Variants in ZNF518A observed in about 807,000 individuals in gnomAD.
ZNF518A encodes zinc finger protein 518A.
A neutral mutation model predicts 102.7 loss-of-function variants in ZNF518A; 47 were observed. The observed-to-expected ratio is 0.46, with a 90% CI of 0.36 to 0.58. The LOEUF (loss-of-function observed/expected upper bound fraction) is 0.58. Ranked by LOEUF, ZNF518A falls within the 20% of genes least tolerant of loss-of-function variation. The probability of loss-of-function intolerance (pLI) is 0.00; values close to 1 mark genes in which losing one functional copy is unlikely to be tolerated. For missense variants in ZNF518A, 1,793 were observed against 1,699.8 expected, an observed-to-expected ratio of 1.05 and a Z score of -0.96; for synonymous variants, 652 against 594.6, an observed-to-expected ratio of 1.10 and a Z score of -1.40.
At chr10:96,198,235 A>G (rs1312313013) in intron 1 of ZNF518A, among the ~76,000 whole-genome samples, 4 of 152,180 alleles carry the variant, frequency 2.6e-5, no homozygotes, top group Non-Finnish European at 4.4e-5. Flanking sequence ...ATTTAATAAA[A>G]TAAGTACCAT....
At chr10:96,137,409 C>G (rs782607293) in intron 3 of ZNF518A, among the ~76,000 whole-genome samples, 19 of 152,340 alleles carry the variant, frequency 1.2e-4, no homozygotes, top group African/African-American at 4.6e-4. Context: ...TGCACTGCAT[C>G]ACTACTTCCT....
In ZNF518A at chr10:96,157,988, A is replaced by G. The variant is rs781894461; in HGVS notation, c.1666A>G (p.Thr556Ala). The change falls in exon 6 of 6, where the codon ACA becomes GCA. Residue 556 changes from threonine (T) to alanine (A), a missense_variant. Physicochemically the swap from Thr to Ala is moderately conservative, Grantham distance 58 (BLOSUM62 0). Transcript: ENST00000316045. ...YEKSVSSLSA[T>A]SELVTASVNL... ...GAAAAGTGTATCTTCTTTGTCAGCA[A>G]CATCAGAATTGGTTACAGCATCAGT... The G allele has an allele frequency of 3.1e-6, 5 of 1,613,818 alleles. No individual in the cohort carries two copies. The South Asian group carries it at 3.3e-5, about 11-fold the overall frequency.
intron 3 of ZNF518A, among the ~76,000 whole-genome samples, chr10:96,150,294 A>G (rs2082370538): frequency 6.6e-6 from 1 of 150,772 alleles, no homozygotes; most frequent in African/African-American, 2.4e-5. Context: ...AGATTGCACC[A>G]CTGCACTCCA....
intron 3 of ZNF518A, among the ~76,000 whole-genome samples, chr10:96,134,421 A>C (rs1314277987): frequency 6.6e-6 from 1 of 151,944 alleles, no homozygotes; most frequent in East Asian, 1.9e-4. Context: ...TTTAGTGGAG[A>C]CGAGGCTTCG....
In ZNF518A at chr10:96,148,874, C is replaced by T. The variant is rs1287957342; in HGVS notation, c.-301-6452C>T. The stretch of plus-strand genomic sequence containing the variant: ...GGGACTACAGGCGCCCACCACCACA[C>T]CCGGCTAATTTTTTGTATTTTTAGT... On this transcript the variant is annotated intron_variant, in intron 3 of 5. Transcript: ENST00000316045. Among the ~76,000 whole-genome samples the T allele has an allele frequency of 3.9e-5, 6 of 152,284 alleles. No individual in the cohort carries two copies. In the East Asian group the frequency reaches 1.2e-3, roughly 29 times the overall value.
At position 96,192,174 on chromosome 10, in the gene ZNF518A, T is replaced by C. The variant is rs149075195; in HGVS notation, n.36-11400T>C. 1.0e-3 allele frequency: 1,649 copies of C among 1,573,036 alleles called. 11 individuals carry two copies. The African/African-American group carries it at 0.02, about 19-fold the overall frequency. On this transcript the variant is annotated intron_variant and non_coding_transcript_variant, in intron 1 of 2. Transcript: ENST00000442635. ...CCACTCCTCCCATCTTCTCTCATTC[T>C]CAAGTTAGTAAAAGTTATTACACCC...
In ZNF518A at chr10:96,130,407, C is replaced by G. The variant is rs1265085826; in HGVS notation, c.-798C>G. Among the ~76,000 whole-genome samples the G allele has an allele frequency of 6.6e-6, 1 of 152,224 alleles. No homozygotes were observed. Among genetic ancestry groups the G allele is most frequent in the Non-Finnish European group, 1.5e-5 (1 of 68,036 alleles). On this transcript the variant is annotated 5_prime_UTR_variant, in exon 1 of 6. Transcript: ENST00000316045. ...AACCTGGGGTTGTTTTACTTCCGGGCTTTTTGAACTCTACACTCTCCTACA... is the reference window on the plus strand; with the variant it reads ...AACCTGGGGTTGTTTTACTTCCGGGGTTTTTGAACTCTACACTCTCCTACA...
intron 1 of ZNF518A, among the ~76,000 whole-genome samples, chr10:96,175,260 G>T (rs1056421613): frequency 6.6e-6 from 1 of 152,058 alleles, no homozygotes. Flanking sequence ...TCAAGCCTGG[G>T]GACATATAAA....
At chr10:96,205,015 G>T (rs2083759282), downstream of ZNF518A, 2 of 289,606 alleles carry the variant, frequency 6.9e-6, no homozygotes, top group African/African-American at 2.2e-5. Context: ...CACCCTGGTG[G>T]GTCTTGATTA....
Position 96,200,716 on chromosome 10 carries a change from TA to T in ZNF518A, n.36-2855del, listed in dbSNP as rs1554895895. Reference sequence around the variant, plus strand: ...TCTATTTGGAGGAAATTACAAAGTTTAAATAAAATCTATGTGAGAGGAAGAA... The same window carrying T: ...TCTATTTGGAGGAAATTACAAAGTTTAATAAAATCTATGTGAGAGGAAGAA... On this transcript the variant is annotated intron_variant and non_coding_transcript_variant, in intron 1 of 2. Transcript: ENST00000442635. The surrounding 1 kb of genome is among the most constrained non-coding windows in gnomAD (Gnocchi z 4.3). Among the ~76,000 whole-genome samples, 1 of 152,212 alleles carries T rather than the reference TA, an allele frequency of 6.6e-6. No individual in the cohort carries two copies. Among genetic ancestry groups the T allele is most frequent in the African/African-American group, 2.4e-5 (1 of 41,464 alleles).
intron 3 of ZNF518A, among the ~76,000 whole-genome samples, chr10:96,143,944 TCTC>T: frequency 6.6e-6 from 1 of 152,312 alleles, no homozygotes; most frequent in Non-Finnish European, 1.5e-5. Context: ...AAGGATCATT[TCTC>T]CTAATTTAAA....
Position 96,156,961 on chromosome 10 carries a change from G to A in ZNF518A, c.639G>A (p.Lys213=). The change falls in exon 6 of 6, where the codon AAG becomes AAA. Residue 213 remains lysine (K), a synonymous_variant. Transcript: ENST00000316045. ...VNGNFQCEKC[K]FSTQDVGTFV... ...GTAATTTTCAATGTGAAAAGTGTAA[G>A]TTCTCCACCCAGGATGTTGGCACAT... 1 of 1,613,852 alleles carries A rather than the reference G, an allele frequency of 6.2e-7. No individual in the cohort carries two copies. Among genetic ancestry groups the A allele is most frequent in the Non-Finnish European group, 8.5e-7 (1 of 1,179,800 alleles).
chr10:96,160,869 T>G lies in ZNF518A; in HGVS notation c.*95T>G. On this transcript the variant is annotated 3_prime_UTR_variant, in exon 6 of 6. Transcript: ENST00000316045. ...AATGCAGACATTTTCTACTTCAGTA[T>G]AGTACCTGAAATCGAACATTTTAAA... 7.9e-7 allele frequency: 1 copy of G among 1,263,002 alleles called. No individual in the cohort carries two copies. Among genetic ancestry groups the G allele is most frequent in the Non-Finnish European group, 1.1e-6 (1 of 952,110 alleles). 78.2% of individuals were successfully genotyped at this position (1,263,002 alleles called of 1,614,324 possible).
At chr10:96,169,725 A>G (rs1300901095) in intron 1 of ZNF518A, among the ~76,000 whole-genome samples, 1 of 151,880 alleles carries the variant, frequency 6.6e-6, no homozygotes, top group Non-Finnish European at 1.5e-5. Context: ...TGCATGTCTC[A>G]TTTTTTTTGT....
intron 1 of ZNF518A, among the ~76,000 whole-genome samples, chr10:96,198,731 T>C (rs190939957): frequency 1.3e-5 from 2 of 152,328 alleles, no homozygotes; most frequent in Admixed American, 1.3e-4. Flanking sequence ...GCAGTCTCAC[T>C]CTTGTTGCCC....
intron 3 of ZNF518A, among the ~76,000 whole-genome samples, chr10:96,137,264 A>T (rs587770633): frequency 1.3e-5 from 2 of 152,222 alleles, no homozygotes; most frequent in South Asian, 4.2e-4. Flanking sequence ...TTTATCATCA[A>T]TTTTTTTATT....
intron 1 of ZNF518A, among the ~76,000 whole-genome samples, chr10:96,185,872 T>G (rs1331862799): frequency 6.6e-6 from 1 of 152,178 alleles, no homozygotes; most frequent in Non-Finnish European, 1.5e-5. Flanking sequence ...TGCAGTGGGC[T>G]CCACCCAGTT....
At chr10:96,134,863 G>A (rs933583088) in intron 3 of ZNF518A, among the ~76,000 whole-genome samples, 3 of 152,190 alleles carry the variant, frequency 2.0e-5, no homozygotes, top group Non-Finnish European at 4.4e-5. Context: ...ATTTCAAAAT[G>A]TAGTAAGCTT....
intron 1 of ZNF518A, among the ~76,000 whole-genome samples, chr10:96,170,384 T>TC (rs35618971): frequency 1.8e-4 from 27 of 152,204 alleles, no homozygotes; most frequent in Admixed American, 1.3e-4. Flanking sequence ...GAGCTGGACT[T>TC]CCAGGGAGCC....
Sources: allele counts gnomAD v4.1 joint callset (sites outside exome capture counted in the v4.1 genomes callset), GRCh38; gene constraint gnomAD v4.1.1; non-coding constraint Gnocchi (gnomAD v3.1); transcripts MANE v1.5; gene names NCBI Gene and HGNC (gene_info 2026-07-23, HGNC 2026-07-21).